Variants in NRXN1 observed in about 807,000 individuals in gnomAD.
NRXN1 encodes the protein neurexin 1.
NRXN1 carries 39 observed loss-of-function variants against 150.9 expected under a neutral mutation model. The ratio of observed to expected loss-of-function variants is 0.26; its 90% CI spans 0.20 to 0.34. The LOEUF (loss-of-function observed/expected upper bound fraction) is 0.34, where lower values mean the gene tolerates loss of function less well. Among genes scored for constraint, NRXN1 ranks in the 10% least tolerant of loss-of-function variants. The pLI, the probability that NRXN1 is intolerant of heterozygous loss-of-function variation, is 1.00. For missense variants in NRXN1, 1,815 were observed against 1,949.9 expected (o/e 0.93, Z 1.30); for synonymous variants, 924 against 757.0 (o/e 1.22, Z -3.62).
rs1558434586 is a variant in NRXN1, at chr2:50,277,406, T to TC, written c.3365-40437dup. Among the ~76,000 whole-genome samples the TC allele has an allele frequency of 7.7e-5, 7 of 90,882 alleles. No individual in the cohort carries two copies. The East Asian group carries it at 2.2e-3, about 29-fold the overall frequency. The allele number at this position is 90,882 out of a possible 152,430, so 59.6% of individuals were successfully genotyped here. On this transcript the variant is annotated intron_variant, in intron 17 of 22. Coordinates refer to ENST00000401669, the MANE Select transcript of NRXN1 (RefSeq NM_001330078.2). The stretch of plus-strand genomic sequence containing the variant: ...CGTCCTTCCTTCCTTCCTTCCTCCC[T>TC]CCTTCCCTTCCTTCCTTCCTCCCTC...
At chr2:50,896,184 T>G (rs1681922077) in intron 5 of NRXN1, among the ~76,000 whole-genome samples, 1 of 152,202 alleles carries the variant, frequency 6.6e-6, no homozygotes, top group African/African-American at 2.4e-5. Context: ...TTCTTTCATC[T>G]GGTCTCTAAA....
intron 8 of NRXN1, among the ~76,000 whole-genome samples, chr2:50,586,577 A>G (rs1241131523): frequency 6.6e-6 from 1 of 151,870 alleles, no homozygotes. Context: ...TAAAAAAAAA[A>G]GTAGACTAAT....
chr2:50,824,301 AGTGTGTGT>A (rs10651842), intron 5 of NRXN1, among the ~76,000 whole-genome samples: 4 of 149,088 alleles, frequency 2.7e-5, no homozygotes, highest in Admixed American at 6.7e-5. Flanking sequence ...AAACCCTTTG[AGTGTGTGT>A]GTGTGTGTGT....
intron 21 of NRXN1, among the ~76,000 whole-genome samples, chr2:49,999,134 T>G (rs1683493003): frequency 1.3e-5 from 2 of 152,204 alleles, no homozygotes; most frequent in Non-Finnish European, 2.9e-5. Context: ...CCTTTGCTGC[T>G]GGTCTTTGCA....
intron 16 of NRXN1, among the ~76,000 whole-genome samples, chr2:50,469,432 C>G (rs2089247390): frequency 6.6e-6 from 1 of 151,466 alleles, no homozygotes; most frequent in African/African-American, 2.4e-5. Context: ...TGGATAGGAA[C>G]AATGGAAACT....
intron 13 of NRXN1, among the ~76,000 whole-genome samples, chr2:50,505,006 C>G (rs761974430): frequency 6.6e-6 from 1 of 152,116 alleles, no homozygotes; most frequent in Non-Finnish European, 1.5e-5. Flanking sequence ...CTTCTGAACT[C>G]CAAGACTATA....
At chr2:50,782,563 T>C (rs982590488) in intron 5 of NRXN1, among the ~76,000 whole-genome samples, 4 of 152,178 alleles carry the variant, frequency 2.6e-5, no homozygotes, top group African/African-American at 9.6e-5. Flanking sequence ...TCTATACTTT[T>C]GTATAGTGTG....
At chr2:50,286,178 C>T (rs2072137597) in intron 17 of NRXN1, among the ~76,000 whole-genome samples, 1 of 152,090 alleles carries the variant, frequency 6.6e-6, no homozygotes, top group African/African-American at 2.4e-5. Context: ...TTTTCAAGAA[C>T]ACAATGTATT....
chr2:50,750,294 T>C (rs1169628616), intron 5 of NRXN1, among the ~76,000 whole-genome samples: 1 of 152,028 alleles, frequency 6.6e-6, no homozygotes, highest in Non-Finnish European at 1.5e-5. Flanking sequence ...GTGGCTTCTA[T>C]AGCTTTTTAT....
chr2:50,741,261 T>A (rs1699385329), intron 5 of NRXN1, among the ~76,000 whole-genome samples: 1 of 150,178 alleles, frequency 6.7e-6, no homozygotes, highest in Non-Finnish European at 1.5e-5. Context: ...TGGTTGGATC[T>A]ATTAATAAAT....
intron 19 of NRXN1, among the ~76,000 whole-genome samples, chr2:50,085,394 T>C (rs1177166764): frequency 6.6e-6 from 1 of 152,148 alleles, no homozygotes; most frequent in South Asian, 2.1e-4. Flanking sequence ...CCACAAGACT[T>C]ATATTTTCAC....
chr2:49,983,580 C>G (rs901396587), intron 21 of NRXN1, among the ~76,000 whole-genome samples: 1 of 152,044 alleles, frequency 6.6e-6, no homozygotes, highest in African/African-American at 2.4e-5. Flanking sequence ...TGCTGTGAGT[C>G]AGATCTTTGA....
chr2:50,018,949 T>C (rs1687061077), intron 21 of NRXN1, among the ~76,000 whole-genome samples: 1 of 152,134 alleles, frequency 6.6e-6, no homozygotes, highest in South Asian at 2.1e-4. Flanking sequence ...CAAGAAAATA[T>C]GTGTTGGCAG....
intron 12 of NRXN1, among the ~76,000 whole-genome samples, chr2:50,519,788 T>G (rs1180921618): frequency 1.3e-5 from 2 of 151,980 alleles, no homozygotes; most frequent in African/African-American, 4.8e-5. Flanking sequence ...AGTTATCATC[T>G]GAGAAAACTG....
chr2:50,411,700 G>A (rs2083190927), intron 17 of NRXN1, among the ~76,000 whole-genome samples: 4 of 151,030 alleles, frequency 2.6e-5, no homozygotes, highest in East Asian at 2.0e-4. Context: ...GAGGTGGGGG[G>A]GCAGCCCCCG....
At chr2:50,502,977 G>C (rs1174228022) in intron 13 of NRXN1, among the ~76,000 whole-genome samples, 3 of 152,088 alleles carry the variant, frequency 2.0e-5, no homozygotes, top group Non-Finnish European at 4.4e-5. Flanking sequence ...AAGTGTGGTA[G>C]ACAAAAGTTG....
chr2:50,791,997 T>C (rs998108114), intron 5 of NRXN1, among the ~76,000 whole-genome samples: 5 of 152,086 alleles, frequency 3.3e-5, no homozygotes, highest in African/African-American at 7.2e-5. Flanking sequence ...GCATTATGAA[T>C]AGTTAAGCAG....
intron 9 of NRXN1, among the ~76,000 whole-genome samples, chr2:50,544,124 C>T (rs1397693967): frequency 1.3e-5 from 2 of 151,998 alleles, no homozygotes; most frequent in Non-Finnish European, 2.9e-5. Flanking sequence ...CTTAATTCTG[C>T]TCCACCTGTC....
chr2:50,091,335 G>A lies in NRXN1; in HGVS notation c.3706C>T (p.Arg1236Cys). 2.5e-6 allele frequency: 4 copies of A among 1,614,090 alleles called. No individual in the cohort carries two copies. The highest frequency in any genetic ancestry group is 2.5e-6 in the Non-Finnish European group (3 of 1,180,016). Residue 1236 changes from arginine (R) to cysteine (C), a missense_variant, in exon 19 of 23, where the codon CGC becomes TGC. Physicochemically the swap from Arg to Cys is radical, Grantham distance 180 (BLOSUM62 -3). This residue lies in a region of NRXN1 where 339 missense variants were observed against 440.3 expected (regional missense o/e 0.77). Transcript: ENST00000401669. Reference sequence around the variant, plus strand: ...TTCACTTGCTTACCTGCAGGGTAGCGCTCGATCACTGGCCAGCTGTCCACC... The same window carrying A: ...TTCACTTGCTTACCTGCAGGGTAGCACTCGATCACTGGCCAGCTGTCCACC... ...LQVDSWPVIERYPAGNNDNER... is the reference protein window; with the variant it reads ...LQVDSWPVIECYPAGNNDNER...
Sources: gnomAD v4.1 joint callset for allele counts (sites outside exome capture counted in the v4.1 genomes callset) on GRCh38, gnomAD v4.1.1 for gene constraint, gnomAD v4.1.1 regional missense constraint, MANE v1.5 for transcripts, NCBI Gene and HGNC (gene_info 2026-07-23, HGNC 2026-07-21) for gene names.